Variants in CFAP54 observed in about 807,000 individuals in gnomAD.
CFAP54 encodes cilia and flagella associated protein 54.
A neutral mutation model predicts 370.4 loss-of-function variants in CFAP54; 290 were observed. The observed-to-expected ratio is 0.78, with a 90% CI of 0.71 to 0.86. The LOEUF (loss-of-function observed/expected upper bound fraction) is 0.86. Ranked by LOEUF, CFAP54 falls within the 40% of genes least tolerant of loss-of-function variation. The pLI is 0.00. For synonymous variants in CFAP54, 1,206 were observed against 1,236.5 expected (o/e 0.98, Z 0.52); for missense variants, 3,399 against 3,528.7 (o/e 0.96, Z 0.93).
intron 67 of CFAP54, among the ~76,000 whole-genome samples, chr12:96,869,193 C>A (rs992013144): frequency 1.3e-5 from 2 of 152,014 alleles, no homozygotes; most frequent in African/African-American, 4.8e-5. Context: ...TTTTTATTGA[C>A]CTTAGAAACA....
intron 58 of CFAP54, among the ~76,000 whole-genome samples, chr12:96,760,988 G>A (rs978271841): frequency 1.3e-5 from 2 of 152,176 alleles, no homozygotes; most frequent in African/African-American, 4.8e-5. Flanking sequence ...ACCTAAGAGT[G>A]AAATTGCTGG....
chr12:96,570,915 T>G (rs1358391358), intron 19 of CFAP54, among the ~76,000 whole-genome samples: 5 of 152,220 alleles, frequency 3.3e-5, no homozygotes, highest in Non-Finnish European at 7.4e-5. Flanking sequence ...TAGATTTATC[T>G]TATTACTTGT....
intron 66 of CFAP54, among the ~76,000 whole-genome samples, chr12:96,859,264 A>G (rs1342683312): frequency 1.3e-5 from 2 of 152,208 alleles, no homozygotes; most frequent in African/African-American, 2.4e-5. Flanking sequence ...TTCAAAATAG[A>G]TAATTTCTAG....
chr12:96,740,658 T>A (rs10860082), intron 51 of CFAP54, among the ~76,000 whole-genome samples: 1 of 152,056 alleles, frequency 6.6e-6, no homozygotes, highest in Admixed American at 6.5e-5. Context: ...ATATCTAGCA[T>A]CATTACAAAT....
At chr12:96,808,382 A>G (rs1958902051) in intron 63 of CFAP54, among the ~76,000 whole-genome samples, 1 of 152,100 alleles carries the variant, frequency 6.6e-6, no homozygotes, top group Non-Finnish European at 1.5e-5. Flanking sequence ...AGATGAACAC[A>G]TCTTCCAGCT....
At chr12:96,664,773 A>ATATCTATATCTATATCTATATC (rs1565934470) in intron 39 of CFAP54, among the ~76,000 whole-genome samples, 1 of 20,306 alleles carries the variant, frequency 4.9e-5, no homozygotes, top group Non-Finnish European at 8.7e-5. Context: ...ATCTATATCT[A>ATATCTATATCTATATCTATATC]TATCTATATA....
At chr12:96,550,657 T>G (rs879359585) in intron 15 of CFAP54, among the ~76,000 whole-genome samples, 1 of 152,192 alleles carries the variant, frequency 6.6e-6, no homozygotes, top group Non-Finnish European at 1.5e-5. Context: ...CTGAACATCC[T>G]CCTGGGAGAA....
chr12:96,633,749 A>G (rs1396388750), intron 32 of CFAP54, among the ~76,000 whole-genome samples: 1 of 152,230 alleles, frequency 6.6e-6, no homozygotes, highest in African/African-American at 2.4e-5. Flanking sequence ...ATGAACATTC[A>G]TGTGCAGTTT....
Position 96,630,647 on chromosome 12 carries a change from G to C in CFAP54, c.4312G>C (p.Glu1438Gln). ...NPAISEMVAH[E>Q]RNRRTSVRKA... ...GGCTATTTCTGAAATGGTGGCACAT[G>C]AAAGGTATTCACTAATTAATTAATT... Residue 1438 changes from glutamate to glutamine, a missense_variant, in exon 32 of 68, where the codon GAA becomes CAA. This residue lies in a region of CFAP54 where 2,796 missense variants were observed against 2,869.7 expected (regional missense o/e 0.97). Transcript: ENST00000524981. 2.0e-6 allele frequency: 3 copies of C among 1,476,144 alleles called. No individual in the cohort carries two copies. The highest frequency in any genetic ancestry group is 2.7e-6 in the Non-Finnish European group (3 of 1,115,044). 91.4% of individuals were successfully genotyped at this position (1,476,144 alleles called of 1,614,324 possible).
chr12:96,736,697 G>A (rs1285901875), intron 50 of CFAP54, among the ~76,000 whole-genome samples: 2 of 152,142 alleles, frequency 1.3e-5, no homozygotes, highest in East Asian at 3.8e-4. Flanking sequence ...AAACAAAGAT[G>A]GCAATATCAA....
intron 48 of CFAP54, among the ~76,000 whole-genome samples, chr12:96,714,473 G>A (rs1477486056): frequency 6.6e-6 from 1 of 152,166 alleles, no homozygotes; most frequent in Non-Finnish European, 1.5e-5. Flanking sequence ...AGATGGAGAA[G>A]AGACAGGTGA....
Position 96,765,091 on chromosome 12 carries a change from G to C in CFAP54, c.8154G>C (p.Val2718=). The C allele has an allele frequency of 2.7e-6, 4 of 1,477,400 alleles. No homozygotes were observed. The highest frequency in any genetic ancestry group is 3.7e-6 in the Non-Finnish European group (4 of 1,092,996). 91.5% of individuals were successfully genotyped at this position (1,477,400 alleles called of 1,614,324 possible). ...ATTAATTGTAGGTCAGTGAAGCTGT[G>C]CTGGCAATTAACTTACTTATTGGAA... ...IRAAAQVSEA[V]LAINLLIGKK... is the part of the protein sequence containing the mutation. The change falls in exon 60 of 68, where the codon GTG becomes GTC. Residue 2718 remains valine (V), a synonymous_variant. Coordinates refer to ENST00000524981, the MANE Select transcript of CFAP54 (RefSeq NM_001306084.2).
rs1412625199 is a variant in CFAP54 at position 96,657,798 on chromosome 12, C to T, written c.5101-84C>T. ...TTCAGTTGAGTTCTTTTCCATGTTA[C>T]ATTTTTATTACATTCAGTTTTCAGA... On this transcript the variant is annotated intron_variant, in intron 36 of 67. Coordinates refer to ENST00000524981, the MANE Select transcript of CFAP54 (RefSeq NM_001306084.2). 6.1e-6 allele frequency: 6 copies of T among 978,034 alleles called. No individual in the cohort carries two copies. In the African/African-American group the frequency reaches 8.2e-5, roughly 13 times the overall value. The allele number at this position is 978,034 out of a possible 1,614,324, so 60.6% of individuals were successfully genotyped here.
At chr12:96,538,180 A>G (rs7978334) in intron 12 of CFAP54, among the ~76,000 whole-genome samples, 78,684 of 151,826 alleles carry the variant, frequency 0.52, 20,827 homozygotes, top group East Asian at 0.69. Flanking sequence ...TCATGTTGGG[A>G]AAAATCACTT....
At chr12:96,622,027 C>T (rs750455733) in intron 27 of CFAP54, among the ~76,000 whole-genome samples, 1 of 151,450 alleles carries the variant, frequency 6.6e-6, no homozygotes, top group African/African-American at 2.4e-5. Flanking sequence ...GGACACTGGA[C>T]TTAAAAGCTC....
intron 50 of CFAP54, among the ~76,000 whole-genome samples, chr12:96,739,603 A>G (rs1293684076): frequency 1.3e-5 from 2 of 152,190 alleles, no homozygotes; most frequent in Non-Finnish European, 1.5e-5. Context: ...GATTGCCAAT[A>G]CATTTTGTTT....
chr12:96,742,955 A>G (rs1958068908), intron 52 of CFAP54, among the ~76,000 whole-genome samples: 1 of 152,200 alleles, frequency 6.6e-6, no homozygotes, highest in South Asian at 2.1e-4. Context: ...TTCTTTGCCA[A>G]GTCTCTTAAA....
At chr12:96,515,365 G>A (rs1955219181) in intron 5 of CFAP54, among the ~76,000 whole-genome samples, 1 of 151,988 alleles carries the variant, frequency 6.6e-6, no homozygotes, top group Admixed American at 6.6e-5. Flanking sequence ...GGGAGGTGAG[G>A]GATGCAATAA....
rs535968964 is a variant in CFAP54, at chr12:96,591,523, G to A, written c.3213-967G>A. 8.5e-5 allele frequency among the ~76,000 whole-genome samples: 13 copies of A among 152,168 alleles called. No individual in the cohort carries two copies. The East Asian group carries it at 1.4e-3, about 16-fold the overall frequency. On this transcript the variant is annotated intron_variant, in intron 23 of 67. Coordinates refer to ENST00000524981, the MANE Select transcript of CFAP54 (RefSeq NM_001306084.2). ...AGAGACTGAAGAAGAAAATGTAGGC[G>A]ATGATAACACTATGGTGGTCGAGCC...
Sources: allele counts gnomAD v4.1 joint callset (sites outside exome capture counted in the v4.1 genomes callset), GRCh38; gene constraint gnomAD v4.1.1; regional missense constraint gnomAD v4.1.1; transcripts MANE v1.5; gene names NCBI Gene and HGNC (gene_info 2026-07-23, HGNC 2026-07-21).